RNLS: variants seen among roughly 807,000 people sequenced by gnomAD.
The protein encoded by RNLS is renalase.
A neutral mutation model predicts 39.8 loss-of-function variants in RNLS; 39 were observed. The observed-to-expected ratio is 0.98, with a 90% CI of 0.76 to 1.28. RNLS has a LOEUF of 1.28. RNLS is among the 50% of genes most tolerant of loss of function. The pLI is 0.00. For missense variants in RNLS, 410 were observed against 413.3 expected (o/e 0.99, Z 0.07); for synonymous variants, 147 against 150.7 (o/e 0.98, Z 0.18).
intron 4 of RNLS, among the ~76,000 whole-genome samples, chr10:88,447,296 A>G (rs377749859): frequency 6.6e-6 from 1 of 152,244 alleles, no homozygotes; most frequent in South Asian, 2.1e-4. Context: ...CCTTAAGCTG[A>G]TAAGCAACTT....
chr10:88,416,930 C>G (rs1186881603), intron 4 of RNLS, among the ~76,000 whole-genome samples: 1 of 152,190 alleles, frequency 6.6e-6, no homozygotes, highest in Non-Finnish European at 1.5e-5. Flanking sequence ...GGGCAAAGAT[C>G]AAATCTTAAA....
Position 88,452,485 on chromosome 10 carries a change from C to T in RNLS, c.527-89760G>A, listed in dbSNP as rs1361325356. Among the ~76,000 whole-genome samples, 4 of 152,126 alleles carry T rather than the reference C, an allele frequency of 2.6e-5. No homozygotes were observed. In the East Asian group the frequency reaches 5.8e-4, roughly 22 times the overall value. The stretch of plus-strand genomic sequence containing the variant: ...CCTGAAAGGAAGAGGTTCCATCCTT[C>T]AGGATGTAGTGTAGACTTTATGTAT... On this transcript the variant is annotated intron_variant, in intron 4 of 6. Coordinates refer to ENST00000331772, the MANE Select transcript of RNLS (RefSeq NM_001031709.3).
intron 4 of RNLS, among the ~76,000 whole-genome samples, chr10:88,478,905 T>C (rs1038937360): frequency 6.6e-6 from 1 of 150,566 alleles, no homozygotes; most frequent in Non-Finnish European, 1.5e-5. Context: ...CTTTCTTTCT[T>C]TCTCTCTCTC....
intron 4 of RNLS, among the ~76,000 whole-genome samples, chr10:88,546,101 A>T (rs1477572082): frequency 6.6e-6 from 1 of 152,128 alleles, no homozygotes; most frequent in African/African-American, 2.4e-5. Flanking sequence ...AATTATGAGG[A>T]ATATAGAATA....
At position 88,572,992 on chromosome 10, in the gene RNLS, T is replaced by C. The variant is rs752535428; in HGVS notation, c.437A>G (p.Lys146Arg). The C allele has an allele frequency of 5.0e-6, 8 of 1,613,960 alleles. No homozygotes were observed. In the South Asian group the frequency reaches 8.8e-5, roughly 18 times the overall value. Residue 146 changes from lysine (K) to arginine (R), a missense_variant, in exon 4 of 7, where the codon AAA becomes AGA. Transcript: ENST00000331772. ...AAACTGCTCAGGGGAGCCTGTTTGTTTGGATACTTCCCATTTGTCATCTCT... is the reference window on the plus strand; with the variant it reads ...AAACTGCTCAGGGGAGCCTGTTTGTCTGGATACTTCCCATTTGTCATCTCT... ...NLRDDKWEVS[K>R]QTGSPEQFDL... is the part of the protein sequence containing the mutation.
intron 6 of RNLS, among the ~76,000 whole-genome samples, chr10:88,313,627 A>G (rs1402451495): frequency 6.6e-6 from 1 of 152,126 alleles, no homozygotes; most frequent in African/African-American, 2.4e-5. Flanking sequence ...ATCAACTGCA[A>G]TTTCCCACAA....
chr10:88,363,913 C>T (rs965760862), intron 4 of RNLS, among the ~76,000 whole-genome samples: 1 of 152,068 alleles, frequency 6.6e-6, no homozygotes, highest in Non-Finnish European at 1.5e-5. Flanking sequence ...TAGCACAGTG[C>T]TTGGCATATA....
At chr10:88,180,848 G>GT in the RNLS span, among the ~76,000 whole-genome samples, 1 of 152,020 alleles carries the variant, frequency 6.6e-6, no homozygotes, top group Non-Finnish European at 1.5e-5. Context: ...TGAGTAACCT[G>GT]TTTTTTAATT....
At chr10:88,334,467 A>G (rs1847340909) in intron 5 of RNLS, among the ~76,000 whole-genome samples, 1 of 152,176 alleles carries the variant, frequency 6.6e-6, no homozygotes, top group Non-Finnish European at 1.5e-5. Flanking sequence ...GTGCTCATCA[A>G]ATGCTATTTG....
chr10:88,447,076 G>A (rs1842077571), intron 4 of RNLS, among the ~76,000 whole-genome samples: 1 of 152,202 alleles, frequency 6.6e-6, no homozygotes, highest in South Asian at 2.1e-4. Context: ...GGCAAAAACT[G>A]GAAGCATTCC....
At chr10:88,507,117 A>G (rs974965660) in intron 4 of RNLS, among the ~76,000 whole-genome samples, 1 of 152,192 alleles carries the variant, frequency 6.6e-6, no homozygotes, top group African/African-American at 2.4e-5. Context: ...TACTGCTATG[A>G]AAATCACGGC....
chr10:88,284,012 C>CA (rs112465465), downstream of RNLS: 2,113 of 502,084 alleles, frequency 4.2e-3, 36 homozygotes, highest in African/African-American at 0.037. Context: ...GCGAAAATAA[C>CA]AAAAAATCAC....
chr10:88,343,318 A>G (rs1848088539), intron 5 of RNLS, among the ~76,000 whole-genome samples: 1 of 152,150 alleles, frequency 6.6e-6, no homozygotes, highest in Non-Finnish European at 1.5e-5. Flanking sequence ...TATCAATACG[A>G]TTTGGTTTCA....
chr10:88,380,709 G>T (rs1269715556), intron 4 of RNLS, among the ~76,000 whole-genome samples: 1 of 152,156 alleles, frequency 6.6e-6, no homozygotes, highest in African/African-American at 2.4e-5. Flanking sequence ...TTAGAAAAAG[G>T]CTTTCCCATT....
chr10:88,470,617 AT>A (rs10676559), intron 4 of RNLS, among the ~76,000 whole-genome samples: 145 of 141,674 alleles, frequency 1.0e-3, no homozygotes, highest in African/African-American at 2.0e-3. Flanking sequence ...TGTAATTTTA[AT>A]TTTTTTTTTT....
intron 6 of RNLS, among the ~76,000 whole-genome samples, chr10:88,304,167 C>T (rs1844747926): frequency 6.6e-6 from 1 of 152,134 alleles, no homozygotes; most frequent in Admixed American, 6.6e-5. Context: ...TCAAGGTCAT[C>T]AAATAGGATA....
intron 4 of RNLS, among the ~76,000 whole-genome samples, chr10:88,420,551 T>C (rs1249124872): frequency 1.3e-5 from 2 of 152,202 alleles, no homozygotes; most frequent in Non-Finnish European, 2.9e-5. Context: ...TGCAGCTATG[T>C]CACTCAAGTC....
chr10:88,511,110 T>C (rs900470739), intron 4 of RNLS, among the ~76,000 whole-genome samples: 3 of 151,806 alleles, frequency 2.0e-5, no homozygotes, highest in Non-Finnish European at 1.5e-5. Context: ...AAATCTATTC[T>C]AAAATTTGAA....
the RNLS span, among the ~76,000 whole-genome samples, chr10:88,248,564 C>T: frequency 6.6e-6 from 1 of 152,206 alleles, no homozygotes; most frequent in Admixed American, 6.5e-5. Flanking sequence ...AATGCCATCA[C>T]TGATGCTATG....
Sources: gnomAD v4.1 joint callset for allele counts (sites outside exome capture counted in the v4.1 genomes callset) on GRCh38, gnomAD v4.1.1 for gene constraint, MANE v1.5 for transcripts, NCBI Gene and HGNC (gene_info 2026-07-23, HGNC 2026-07-21) for gene names.